LZTS1: variants seen among roughly 807,000 people sequenced by gnomAD.
The protein encoded by LZTS1 is leucine zipper putative tumor suppressor 1.
In LZTS1, 31 loss-of-function variants were observed where a neutral mutation model predicts 45.8. The ratio of observed to expected loss-of-function variants is 0.68; its 90% CI spans 0.51 to 0.91. The LOEUF (loss-of-function observed/expected upper bound fraction) is 0.91, where lower values mean the gene tolerates loss of function less well. LZTS1 is among the 40% of genes least tolerant of loss of function. The pLI, the probability that LZTS1 is intolerant of heterozygous loss-of-function variation, is 0.00. For synonymous variants in LZTS1, 359 were observed against 357.3 expected (o/e 1.00, Z -0.05); for missense variants, 821 against 788.9 (o/e 1.04, Z -0.49).
At chr8:20,295,692 T>C (rs1390059965) in intron 1 of LZTS1, among the ~76,000 whole-genome samples, 2 of 152,212 alleles carry the variant, frequency 1.3e-5, no homozygotes, top group East Asian at 1.9e-4. Context: ...AAGTACGTTA[T>C]ACACTGTAGA....
chr8:20,279,291 G>C (rs1800641206), intron 1 of LZTS1, among the ~76,000 whole-genome samples: 1 of 152,268 alleles, frequency 6.6e-6, no homozygotes, highest in African/African-American at 2.4e-5. Context: ...GCTTCTTGAA[G>C]ACTAACATTG....
At chr8:20,299,938 C>G (rs752311988) in intron 1 of LZTS1, among the ~76,000 whole-genome samples, 23 of 152,228 alleles carry the variant, frequency 1.5e-4, no homozygotes, top group African/African-American at 2.7e-4. Flanking sequence ...CCAGAAACAT[C>G]TCATCATTGC....
chr8:20,297,614 C>T (rs779523371), intron 1 of LZTS1, among the ~76,000 whole-genome samples: 2 of 152,134 alleles, frequency 1.3e-5, no homozygotes, highest in South Asian at 2.1e-4. Flanking sequence ...TGGGATTTCG[C>T]CATGTTGACC....
intron 1 of LZTS1, among the ~76,000 whole-genome samples, chr8:20,280,151 C>T (rs547342953): frequency 6.0e-4 from 91 of 152,206 alleles, no homozygotes; most frequent in Non-Finnish European, 3.7e-4. Context: ...CACCCCAACC[C>T]CAGATGAGGC....
intron 3 of LZTS1, among the ~76,000 whole-genome samples, chr8:20,251,101 A>G (rs1238799329): frequency 1.1e-4 from 1 of 9,156 alleles, no homozygotes; most frequent in Non-Finnish European, 1.8e-4. Context: ...GAGGGCTAAT[A>G]TATATATATA....
rs553671185 is a variant in LZTS1, at chr8:20,301,487, T to C, written c.-135+2253A>G. Among the ~76,000 whole-genome samples, 9 of 152,300 alleles carry C rather than the reference T, an allele frequency of 5.9e-5. No individual in the cohort carries two copies. In the East Asian group the frequency reaches 1.5e-3, roughly 26 times the overall value. The stretch of plus-strand genomic sequence containing the variant: ...TATAAGGTGCTTACCCATAGGTCTG[T>C]CATCATTACATTATTCATCTTCCTA... On this transcript the variant is annotated intron_variant, in intron 1 of 3. Transcript: ENST00000381569.
chr8:20,286,540 C>T lies in LZTS1; in HGVS notation c.-135+17200G>A, dbSNP rs73609948. Among the ~76,000 whole-genome samples, 183 of 152,326 alleles carry T rather than the reference C, an allele frequency of 1.2e-3. 2 individuals are homozygous for T. The highest frequency in any genetic ancestry group is 4.0e-3 in the African/African-American group (166 of 41,568). The stretch of plus-strand genomic sequence containing the variant: ...GAGGATGTGAAGCAAGTGAAACTCT[C>T]ATACACCACTGGAGGGAGTGCAGAC... On this transcript the variant is annotated intron_variant, in intron 1 of 3. Transcript: ENST00000381569.
chr8:20,266,805 G>A (rs1277123932), intron 1 of LZTS1, among the ~76,000 whole-genome samples: 2 of 152,064 alleles, frequency 1.3e-5, no homozygotes, highest in Non-Finnish European at 1.5e-5. Context: ...TTGTAGGAAA[G>A]GAGGTGAAAG....
intron 1 of LZTS1, among the ~76,000 whole-genome samples, chr8:20,282,046 G>C (rs1800702884): frequency 6.6e-6 from 1 of 152,044 alleles, no homozygotes. Flanking sequence ...CTTCTCCTCT[G>C]AGTACTGCAA....
rs989146774 is a variant in LZTS1, at chr8:20,246,631, C to T, written c.*3091G>A. 2.6e-5 allele frequency: 4 copies of T among 152,202 alleles called. No homozygotes were observed. The highest frequency in any genetic ancestry group is 2.6e-4 in the Admixed American group (4 of 15,264). 9.4% of individuals were successfully genotyped at this position (152,202 alleles called of 1,614,324 possible). ...AGTGCCTCTCTGGGGAAGAGATGCC[C>T]CCATATCCCAGTCCCATGTGAGCTC... On this transcript the variant is annotated 3_prime_UTR_variant, in exon 4 of 4. Transcript: ENST00000381569.
chr8:20,303,660 C>G, intron 1 of LZTS1, 80 bp downstream of exon 1: 3 of 980,392 alleles, frequency 3.1e-6, no homozygotes, highest in Non-Finnish European at 3.6e-6. Flanking sequence ...CGGTCCGGCC[C>G]GGCGAGGGGA....
chr8:20,256,517 GCTCACGTCTGTAATCC>G (rs973256286), intron 1 of LZTS1, among the ~76,000 whole-genome samples: 1 of 152,120 alleles, frequency 6.6e-6, no homozygotes, highest in African/African-American at 2.4e-5. Context: ...TGTGGTGGTG[GCTCACGTCTGTAATCC>G]CAGCATTTTG....
chr8:20,287,500 A>G (rs886501091), intron 1 of LZTS1, among the ~76,000 whole-genome samples: 1 of 152,182 alleles, frequency 6.6e-6, no homozygotes, highest in Non-Finnish European at 1.5e-5. Flanking sequence ...CAGAGGGTCT[A>G]TGAGCTTGCC....
At position 20,255,199 on chromosome 8, in the gene LZTS1, G is replaced by A. The variant is rs758169736; in HGVS notation, c.-18C>T. On this transcript the variant is annotated 5_prime_UTR_variant, in exon 2 of 4. Coordinates refer to ENST00000381569, the MANE Select transcript of LZTS1 (RefSeq NM_021020.5). ...CTGCCCATGGTGACTCGGGGCTGAGGATGGGGCAGGGCCGGGCAGGGTCTT... is the reference window on the plus strand; with the variant it reads ...CTGCCCATGGTGACTCGGGGCTGAGAATGGGGCAGGGCCGGGCAGGGTCTT... 1.2e-6 allele frequency: 2 copies of A among 1,603,084 alleles called. No individual in the cohort carries two copies. The highest frequency in any genetic ancestry group is 3.4e-5 in the Admixed American group (2 of 59,690).
At chr8:20,283,469 A>G (rs2128897728) in intron 1 of LZTS1, among the ~76,000 whole-genome samples, 1 of 152,238 alleles carries the variant, frequency 6.6e-6, no homozygotes, top group East Asian at 1.9e-4. Context: ...TGTGAGAAAT[A>G]CATTTCTGCT....
intron 1 of LZTS1, among the ~76,000 whole-genome samples, chr8:20,277,238 T>A (rs1278371614): frequency 1.3e-5 from 2 of 152,242 alleles, no homozygotes; most frequent in African/African-American, 4.8e-5. Flanking sequence ...TTCCCAGCAG[T>A]GCCTTGGCAG....
chr8:20,291,462 T>C lies in LZTS1; in HGVS notation c.-135+12278A>G, dbSNP rs185337298. Reference sequence around the variant, plus strand: ...AGCTTCTACTATGCTTCATGTGCTTTTACTTCTACTGGCCATATAATTTTC... The same window carrying C: ...AGCTTCTACTATGCTTCATGTGCTTCTACTTCTACTGGCCATATAATTTTC... On this transcript the variant is annotated intron_variant, in intron 1 of 3. Transcript: ENST00000381569. 8.2e-3 allele frequency among the ~76,000 whole-genome samples: 1,255 copies of C among 152,336 alleles called. 18 individuals carry two copies. The highest frequency in any genetic ancestry group is 0.029 in the African/African-American group (1,208 of 41,560).
chr8:20,247,835 C>T lies in LZTS1; in HGVS notation c.*1887G>A, dbSNP rs986866568. On this transcript the variant is annotated 3_prime_UTR_variant, in exon 4 of 4. Transcript: ENST00000381569. ...GAGCGAGGCAGAAATGGGGACTGGCCTTGGACTCGCAAGTTCCCAGACGCT... is the reference window on the plus strand; with the variant it reads ...GAGCGAGGCAGAAATGGGGACTGGCTTTGGACTCGCAAGTTCCCAGACGCT... The T allele has an allele frequency of 1.3e-5, 2 of 152,766 alleles. No homozygotes were observed. The highest frequency in any genetic ancestry group is 2.9e-5 in the Non-Finnish European group (2 of 68,212). The allele number at this position is 152,766 out of a possible 1,614,324, so 9.5% of individuals were successfully genotyped here. A position where few individuals can be genotyped will look rare whatever the true frequency, so the allele number is the denominator to read the frequency against.
intron 1 of LZTS1, among the ~76,000 whole-genome samples, chr8:20,258,669 A>G (rs972521491): frequency 1.7e-4 from 26 of 152,226 alleles, no homozygotes; most frequent in Admixed American, 1.2e-3. Flanking sequence ...TTTAAGAAAT[A>G]CCACCATAAG....
Sources: gnomAD v4.1 joint callset for allele counts (sites outside exome capture counted in the v4.1 genomes callset) on GRCh38, gnomAD v4.1.1 for gene constraint, MANE v1.5 for transcripts, NCBI Gene and HGNC (gene_info 2026-07-23, HGNC 2026-07-21) for gene names.